Variants in GTF2A1L observed in about 807,000 individuals in gnomAD.
GTF2A1L encodes TFIIA-alpha and beta-like factor.
In GTF2A1L, 48 loss-of-function variants were observed where a neutral mutation model predicts 49.7. The observed-to-expected ratio is 0.97, with a 90% CI of 0.77 to 1.23. The LOEUF is 1.23. Ranked by LOEUF, GTF2A1L falls within the 50% of genes most tolerant of loss-of-function variation. The pLI is 0.00. For missense variants in GTF2A1L, 736 were observed against 564.8 expected (o/e 1.30, Z -3.07); for synonymous variants, 246 against 193.5 (o/e 1.27, Z -2.25).
At chr2:48,676,068 T>C (rs896085500) in intron 8 of GTF2A1L, among the ~76,000 whole-genome samples, 40 of 151,902 alleles carry the variant, frequency 2.6e-4, no homozygotes, top group African/African-American at 9.4e-4. Flanking sequence ...GTTATATTAG[T>C]TTTCATCGAA....
chr2:48,673,127 C>A (rs777700903), intron 8 of GTF2A1L, among the ~76,000 whole-genome samples: 1 of 151,960 alleles, frequency 6.6e-6, no homozygotes, highest in Non-Finnish European at 1.5e-5. Flanking sequence ...ATCACGTCTT[C>A]GTTTTTTAAA....
intron 8 of GTF2A1L, among the ~76,000 whole-genome samples, chr2:48,672,490 G>T (rs1171713737): frequency 1.3e-5 from 2 of 152,136 alleles, no homozygotes; most frequent in Non-Finnish European, 1.5e-5. Flanking sequence ...AAAAGCAAAT[G>T]GTAAAAGTGG....
At chr2:48,634,783 TC>T (rs1461472580) in intron 3 of GTF2A1L, among the ~76,000 whole-genome samples, 4 of 152,240 alleles carry the variant, frequency 2.6e-5, no homozygotes, top group Non-Finnish European at 4.4e-5. Flanking sequence ...CTAAAGGGTT[TC>T]CTTTTGTACA....
chr2:48,625,876 C>A (rs959436168), intron 3 of GTF2A1L, among the ~76,000 whole-genome samples: 1 of 144,034 alleles, frequency 6.9e-6, no homozygotes, highest in Non-Finnish European at 1.6e-5. Context: ...AGCGACTGTG[C>A]CTGGCTTATT....
chr2:48,624,038 A>G (rs1044997112), intron 3 of GTF2A1L, among the ~76,000 whole-genome samples: 3 of 152,134 alleles, frequency 2.0e-5, no homozygotes, highest in African/African-American at 7.2e-5. Flanking sequence ...ACCTGTACAC[A>G]TACCCCCTGA....
intron 6 of GTF2A1L, among the ~76,000 whole-genome samples, chr2:48,667,184 T>C (rs1398593142): frequency 6.6e-6 from 1 of 151,828 alleles, no homozygotes; most frequent in African/African-American, 2.4e-5. Flanking sequence ...GTCCTGAACT[T>C]CTGGGCTCAA....
At chr2:48,624,638 A>C (rs1676202885) in intron 3 of GTF2A1L, among the ~76,000 whole-genome samples, 1 of 144,088 alleles carries the variant, frequency 6.9e-6, no homozygotes, top group African/African-American at 2.5e-5. Flanking sequence ...CATGTTATCT[A>C]TTAGATATTT....
chr2:48,637,177 T>A (rs62137505), intron 3 of GTF2A1L, among the ~76,000 whole-genome samples: 26,018 of 152,204 alleles, frequency 0.17, 2,556 homozygotes, highest in South Asian at 0.25. Flanking sequence ...GAAATTCACC[T>A]GTTTCTATAT....
rs78879904 is a variant in GTF2A1L at position 48,653,343 on chromosome 2, G to C, written c.978+6301G>C. Among the ~76,000 whole-genome samples the C allele has an allele frequency of 3.3e-5, 5 of 151,826 alleles. No homozygotes were observed. The South Asian group carries it at 1.0e-3, about 32-fold the overall frequency. ...CCATATGAATTTTGGCAAACATGAA[G>C]TTATACAACCCTACCTGAGATAGAG... On this transcript the variant is annotated intron_variant, in intron 6 of 8. Transcript: ENST00000403751.
At chr2:48,672,489 T>C (rs1010209533) in intron 8 of GTF2A1L, among the ~76,000 whole-genome samples, 1 of 152,000 alleles carries the variant, frequency 6.6e-6, no homozygotes, top group African/African-American at 2.4e-5. Flanking sequence ...AAAAAGCAAA[T>C]GGTAAAAGTG....
At chr2:48,675,274 C>T (rs1679403323) in intron 8 of GTF2A1L, among the ~76,000 whole-genome samples, 1 of 152,092 alleles carries the variant, frequency 6.6e-6, no homozygotes, top group African/African-American at 2.4e-5. Context: ...ATTACAAATG[C>T]AGAATCCTGA....
chr2:48,642,289 C>T, intron 3 of GTF2A1L, 113 bp from the exon 4 acceptor site: 20 of 1,034,154 alleles, frequency 1.9e-5, no homozygotes, highest in Admixed American at 6.5e-5. Flanking sequence ...TAGAATTCAC[C>T]ATGGTTTAAC....
chr2:48,648,851 T>G lies in GTF2A1L; in HGVS notation c.978+1809T>G, dbSNP rs139130950. Among the ~76,000 whole-genome samples, 421 of 152,246 alleles carry G rather than the reference T, an allele frequency of 2.8e-3. 5 individuals are homozygous for G. Among genetic ancestry groups the G allele is most frequent in the African/African-American group, 9.9e-3 (410 of 41,574 alleles). On this transcript the variant is annotated intron_variant, in intron 6 of 8. Coordinates refer to ENST00000403751, the MANE Select transcript of GTF2A1L (RefSeq NM_006872.5). ...CGTACAAGAGTATATGTAAAATGCT[T>G]ATTTATTTATTGTAAGTTACCTTTA...
intron 6 of GTF2A1L, among the ~76,000 whole-genome samples, chr2:48,655,814 C>A (rs1354104187): frequency 6.6e-6 from 1 of 152,078 alleles, no homozygotes; most frequent in African/African-American, 2.4e-5. Context: ...TTTTCATCTT[C>A]CCAAACTCCA....
chr2:48,653,598 A>G (rs1401420427), intron 6 of GTF2A1L, among the ~76,000 whole-genome samples: 1 of 152,116 alleles, frequency 6.6e-6, no homozygotes, highest in African/African-American at 2.4e-5. Flanking sequence ...TACCACATTT[A>G]TTTACCAGTT....
chr2:48,622,758 T>G (rs1676076236), intron 3 of GTF2A1L, among the ~76,000 whole-genome samples: 1 of 150,782 alleles, frequency 6.6e-6, no homozygotes, highest in African/African-American at 2.4e-5. Flanking sequence ...CACTTGAACT[T>G]GGGAGGCAGA....
At chr2:48,634,173 C>T (rs1676749836) in intron 3 of GTF2A1L, among the ~76,000 whole-genome samples, 1 of 152,174 alleles carries the variant, frequency 6.6e-6, no homozygotes, top group African/African-American at 2.4e-5. Context: ...AGTGCAGTGG[C>T]ACAATCTCAG....
chr2:48,665,586 T>A (rs951708866), intron 6 of GTF2A1L, among the ~76,000 whole-genome samples: 3 of 152,168 alleles, frequency 2.0e-5, no homozygotes, highest in African/African-American at 7.2e-5. Context: ...CATTGGGTAT[T>A]TATAATTGTG....
At chr2:48,669,700 T>C (rs764464922) in intron 6 of GTF2A1L, 22 bp from the exon 7 acceptor site, 2 of 1,591,502 alleles carry the variant, frequency 1.3e-6, no homozygotes, top group Non-Finnish European at 1.7e-6. Flanking sequence ...TTGAACTTTA[T>C]TGTATTTCTT....
Sources: allele counts gnomAD v4.1 joint callset (sites outside exome capture counted in the v4.1 genomes callset), GRCh38; gene constraint gnomAD v4.1.1; transcripts MANE v1.5; gene names NCBI Gene and HGNC (gene_info 2026-07-23, HGNC 2026-07-21).